Variants in GALNT17 observed in about 807,000 individuals in gnomAD.
The protein encoded by GALNT17 is UDP-GalNAc:polypeptide N-acetylgalactosaminyltransferase-like 3.
In GALNT17, 29 loss-of-function variants were observed where a neutral mutation model predicts 63.7. That is an observed-to-expected ratio of 0.46 (90% confidence interval 0.34 to 0.62). The LOEUF (loss-of-function observed/expected upper bound fraction) is 0.62. Among genes scored for constraint, GALNT17 ranks in the 20% least tolerant of loss-of-function variants. The pLI is 0.01. For missense variants in GALNT17, 603 were observed against 799.6 expected (o/e 0.75, Z 2.97); for synonymous variants, 305 against 318.3 (o/e 0.96, Z 0.45).
chr7:71,467,974 G>T (rs964137805), intron 5 of GALNT17, among the ~76,000 whole-genome samples: 1 of 152,096 alleles, frequency 6.6e-6, no homozygotes, highest in African/African-American at 2.4e-5. Flanking sequence ...TGGATTTTAT[G>T]AATGCATGTG....
chr7:71,457,686 A>C (rs1253804878), intron 5 of GALNT17, among the ~76,000 whole-genome samples: 1 of 152,178 alleles, frequency 6.6e-6, no homozygotes, highest in Non-Finnish European at 1.5e-5. Context: ...CATAGCGGTG[A>C]AAATGACCAG....
chr7:71,384,135 TTTTTG>T (rs975281972), intron 2 of GALNT17, among the ~76,000 whole-genome samples: 1 of 152,178 alleles, frequency 6.6e-6, no homozygotes, highest in Admixed American at 6.5e-5. Flanking sequence ...TTGTTTTGTT[TTTTTG>T]TTTTTTGTTT....
rs574801751 is a variant in GALNT17 at position 71,254,335 on chromosome 7, A to T, written c.239-81215A>T. 3.3e-5 allele frequency among the ~76,000 whole-genome samples: 5 copies of T among 152,296 alleles called. No individual in the cohort carries two copies. In the East Asian group the frequency reaches 9.7e-4, roughly 29 times the overall value. On this transcript the variant is annotated intron_variant, in intron 1 of 10. Transcript: ENST00000333538. ...ATAAAAGGGTGCCAGACTCTTACTTAATTCTCTCCTGGATCAGGAAAAAGA... is the reference window on the plus strand; with the variant it reads ...ATAAAAGGGTGCCAGACTCTTACTTTATTCTCTCCTGGATCAGGAAAAAGA...
chr7:71,374,407 G>C (rs1426345950), intron 2 of GALNT17, among the ~76,000 whole-genome samples: 1 of 152,250 alleles, frequency 6.6e-6, no homozygotes, highest in African/African-American at 2.4e-5. Flanking sequence ...CACATGTCCA[G>C]CTGGGGGCCG....
intron 7 of GALNT17, among the ~76,000 whole-genome samples, chr7:71,669,497 C>T: frequency 6.6e-6 from 1 of 151,140 alleles, no homozygotes; most frequent in Non-Finnish European, 1.5e-5. Context: ...GGTGATAGAC[C>T]AAGACTGTGA....
At chr7:71,610,585 C>T (rs1790111242) in intron 6 of GALNT17, among the ~76,000 whole-genome samples, 1 of 152,124 alleles carries the variant, frequency 6.6e-6, no homozygotes, top group African/African-American at 2.4e-5. Context: ...CCAGTGACAA[C>T]AATATTTATC....
At chr7:71,352,436 T>G (rs1792206093) in intron 2 of GALNT17, among the ~76,000 whole-genome samples, 1 of 152,160 alleles carries the variant, frequency 6.6e-6, no homozygotes, top group Non-Finnish European at 1.5e-5. Context: ...ACTACTGGGT[T>G]TTAGGTTGCA....
intron 8 of GALNT17, among the ~76,000 whole-genome samples, chr7:71,674,711 C>T (rs892903632): frequency 2.0e-5 from 3 of 152,100 alleles, no homozygotes; most frequent in African/African-American, 7.2e-5. Context: ...AAGGTGGGGT[C>T]TCACTATGTT....
At chr7:71,701,725 G>C (rs1473339491) in intron 9 of GALNT17, among the ~76,000 whole-genome samples, 1 of 139,108 alleles carries the variant, frequency 7.2e-6, no homozygotes, top group Non-Finnish European at 1.5e-5. Flanking sequence ...TGTGGTGTAT[G>C]TATATATATA....
At chr7:71,570,451 T>C (rs2116875649) in intron 5 of GALNT17, among the ~76,000 whole-genome samples, 1 of 152,224 alleles carries the variant, frequency 6.6e-6, no homozygotes, top group African/African-American at 2.4e-5. Context: ...CAGTTTCCCA[T>C]TGCACTCCTA....
intron 6 of GALNT17, among the ~76,000 whole-genome samples, chr7:71,616,217 T>G (rs563635902): frequency 4.6e-4 from 70 of 152,122 alleles, no homozygotes; most frequent in African/African-American, 1.6e-3. Context: ...TCTGTTCGAG[T>G]ACCCTAGGGT....
At chr7:71,670,239 GC>G in intron 8 of GALNT17, 130 bp downstream of exon 8, 4 of 1,267,568 alleles carry the variant, frequency 3.2e-6, no homozygotes, top group Non-Finnish European at 4.5e-6. Context: ...GGCCCTGATA[GC>G]AAGATTCTCT....
intron 1 of GALNT17, among the ~76,000 whole-genome samples, chr7:71,149,378 T>C (rs983362762): frequency 1.3e-5 from 2 of 152,194 alleles, no homozygotes; most frequent in Admixed American, 6.5e-5. Context: ...TACCAGCTGC[T>C]CCATTCTGAG....
chr7:71,376,247 G>C (rs775374127), intron 2 of GALNT17, among the ~76,000 whole-genome samples: 14 of 151,618 alleles, frequency 9.2e-5, no homozygotes, highest in Non-Finnish European at 1.8e-4. Context: ...ATGTACCATA[G>C]AAAGGTTATA....
At chr7:71,423,279 C>A (rs1177309850) in intron 5 of GALNT17, among the ~76,000 whole-genome samples, 2 of 152,208 alleles carry the variant, frequency 1.3e-5, no homozygotes, top group East Asian at 3.9e-4. Flanking sequence ...GCCCCTGTTG[C>A]ATATCAAAAG....
chr7:71,426,731 C>T (rs1786767268), intron 5 of GALNT17, among the ~76,000 whole-genome samples: 1 of 152,028 alleles, frequency 6.6e-6, no homozygotes, highest in African/African-American at 2.4e-5. Context: ...ACCAGCCTAG[C>T]CAACATGGAT....
At chr7:71,464,742 G>C (rs1429158083) in intron 5 of GALNT17, among the ~76,000 whole-genome samples, 1 of 152,112 alleles carries the variant, frequency 6.6e-6, no homozygotes, top group Admixed American at 6.5e-5. Flanking sequence ...AAAAACCTTG[G>C]TGCTCTGGGG....
intron 1 of GALNT17, among the ~76,000 whole-genome samples, chr7:71,248,996 C>T (rs1279317786): frequency 6.6e-6 from 1 of 152,108 alleles, no homozygotes; most frequent in East Asian, 1.9e-4. Flanking sequence ...CCCTTTGGGC[C>T]TGGCATTTAG....
At chr7:71,711,595 CT>C (rs1294178230) in intron 10 of GALNT17, among the ~76,000 whole-genome samples, 5 of 150,214 alleles carry the variant, frequency 3.3e-5, no homozygotes, top group Admixed American at 6.7e-5. Context: ...TCTGTCTTGT[CT>C]CTCCTCTATC....
Sources: allele counts gnomAD v4.1 joint callset (sites outside exome capture counted in the v4.1 genomes callset), GRCh38; gene constraint gnomAD v4.1.1; transcripts MANE v1.5; gene names NCBI Gene and HGNC (gene_info 2026-07-23, HGNC 2026-07-21).